The following GCSAM variants were observed in gnomAD, a reference collection of about 807,000 sequenced individuals.
GCSAM encodes germinal center-associated signaling and motility protein.
In GCSAM, 8 loss-of-function variants were observed where a neutral mutation model predicts 17.6. That is an observed-to-expected ratio of 0.46 (90% confidence interval 0.27 to 0.82). GCSAM has a LOEUF of 0.82. Among genes scored for constraint, GCSAM ranks in the 40% least tolerant of loss-of-function variants. GCSAM has a pLI of 0.15. For synonymous variants in GCSAM, 68 were observed against 69.0 expected, an observed-to-expected ratio of 0.98 and a Z score of 0.07; for missense variants, 192 against 213.5, an observed-to-expected ratio of 0.90 and a Z score of 0.63.
intron 4 of GCSAM, among the ~76,000 whole-genome samples, chr3:112,126,183 C>T (rs1488387595): frequency 1.3e-5 from 2 of 152,120 alleles, no homozygotes; most frequent in South Asian, 2.1e-4. Flanking sequence ...TTCCCTGGGA[C>T]CCACGACTCC....
chr3:112,125,813 C>T (rs1202062970), intron 4 of GCSAM, among the ~76,000 whole-genome samples: 1 of 152,160 alleles, frequency 6.6e-6, no homozygotes. Context: ...GCTAAATATT[C>T]CCATTCCTAT....
chr3:112,126,707 G>A (rs2074328113), intron 4 of GCSAM, among the ~76,000 whole-genome samples: 1 of 152,100 alleles, frequency 6.6e-6, no homozygotes. Flanking sequence ...TCTTGTAAGT[G>A]CCTTTCTCCT....
In GCSAM at chr3:112,121,443, A is replaced by C. The variant is rs2074197845; in HGVS notation, c.*2012T>G. The C allele has an allele frequency of 6.6e-6, 1 of 152,212 alleles. No homozygotes were observed. The highest frequency in any genetic ancestry group is 2.4e-5 in the African/African-American group (1 of 41,454). The allele number at this position is 152,212 out of a possible 1,614,324, so 9.4% of individuals were successfully genotyped here. On this transcript the variant is annotated 3_prime_UTR_variant, in exon 6 of 6. Coordinates refer to ENST00000308910, the MANE Select transcript of GCSAM (RefSeq NM_152785.5). ...TCTGTAATAGATGATTGCCTGCATT[A>C]GATGTAATCCTCCTGTTGATGGTGA...
intron 5 of GCSAM, 50 bp from the exon 6 acceptor site, chr3:112,123,822 C>G (rs2074250227): frequency 6.4e-7 from 1 of 1,564,088 alleles, no homozygotes; most frequent in East Asian, 2.3e-5. Context: ...TTGCCATGAC[C>G]TTTACATTTC....
intron 4 of GCSAM, among the ~76,000 whole-genome samples, 161 bp downstream of exon 4, chr3:112,126,815 AATGAGCTCACC>A (rs2074331824): frequency 6.6e-6 from 1 of 152,242 alleles, no homozygotes; most frequent in South Asian, 2.1e-4. Flanking sequence ...TTCCTGCTTC[AATGAGCTCACC>A]ATCTACTGAG....
chr3:112,132,829 T>C lies in GCSAM; in HGVS notation c.29+263A>G, dbSNP rs995508124. The stretch of plus-strand genomic sequence containing the variant: ...ATTTCTTAGGTGGTAACCTATTATA[T>C]AGACCTTCCTTGGTAAAGTCTTTCC... On this transcript the variant is annotated intron_variant, in intron 1 of 5. Coordinates refer to ENST00000308910, the MANE Select transcript of GCSAM (RefSeq NM_152785.5). The C allele has an allele frequency of 1.2e-4, 52 of 439,240 alleles. No individual in the cohort carries two copies. The highest frequency in any genetic ancestry group is 1.1e-3 in the African/African-American group (51 of 48,546). The allele number at this position is 439,240 out of a possible 1,614,324, so 27.2% of individuals were successfully genotyped here. A position where few individuals can be genotyped will look rare whatever the true frequency, so the allele number is the denominator to read the frequency against.
chr3:112,124,237 AT>A (rs1284069780), intron 5 of GCSAM, among the ~76,000 whole-genome samples: 3 of 152,178 alleles, frequency 2.0e-5, no homozygotes, highest in Non-Finnish European at 4.4e-5. Flanking sequence ...ATATTCCTTT[AT>A]AGCAACACAA....
In GCSAM at chr3:112,125,258, G is replaced by C. The variant is rs778872303; in HGVS notation, c.191-4C>G. On this transcript the variant is annotated splice_polypyrimidine_tract_variant and splice_region_variant and intron_variant, in intron 4 of 5. Transcript: ENST00000308910. ...GGAGTAGATGACATTCTTTCATCTG[G>C]AGAAAGAAAATACACTCAATGAATT... 1 of 1,569,136 alleles carries C rather than the reference G, an allele frequency of 6.4e-7. No homozygotes were observed. Among genetic ancestry groups the C allele is most frequent in the Non-Finnish European group, 8.8e-7 (1 of 1,139,206 alleles).
At chr3:112,128,376 G>A (rs1172461371) in intron 2 of GCSAM, 1 of 492,904 alleles carries the variant, frequency 2.0e-6, no homozygotes. Flanking sequence ...TTATCCCCAG[G>A]AAATCAAGGT....
chr3:112,123,341 GGTT>G lies in GCSAM; in HGVS notation c.*111_*113del. The G allele has an allele frequency of 6.6e-7, 1 of 1,513,178 alleles. No homozygotes were observed. Among genetic ancestry groups the G allele is most frequent in the African/African-American group, 1.4e-5 (1 of 72,060 alleles). The allele number at this position is 1,513,178 out of a possible 1,614,324, so 93.7% of individuals were successfully genotyped here. A position where few individuals can be genotyped will look rare whatever the true frequency, so the allele number is the denominator to read the frequency against. On this transcript the variant is annotated 3_prime_UTR_variant, in exon 6 of 6. Transcript: ENST00000308910. Reference sequence around the variant, plus strand: ...TACAAACCATGCTCTGCAGGGAAAGGGTTGTTGTGGGAGATAAGCTGGAGGGAC... The same window carrying G: ...TACAAACCATGCTCTGCAGGGAAAGGGTTGTGGGAGATAAGCTGGAGGGAC...
chr3:112,130,682 T>C (rs2074432609), intron 1 of GCSAM, 169 bp from the exon 2 acceptor site: 3 of 644,694 alleles, frequency 4.7e-6, no homozygotes, highest in Admixed American at 4.5e-5. Flanking sequence ...TGTCGCAAGC[T>C]ACCTTTGATC....
At chr3:112,129,393 GC>G (rs2030807931) in intron 2 of GCSAM, 2 of 152,318 alleles carry the variant, frequency 1.3e-5, no homozygotes, top group African/African-American at 4.8e-5. Flanking sequence ...CTGTAAGCTG[GC>G]TGTTTCTCCT....
rs9851895 is a variant in GCSAM, at chr3:112,130,770, G to C, written c.30-257C>G. The C allele has an allele frequency of 4.5e-3, 2,298 of 507,880 alleles. 44 individuals are homozygous for C. The highest frequency in any genetic ancestry group is 0.039 in the African/African-American group (2,003 of 51,716). The allele number at this position is 507,880 out of a possible 1,614,324, so 31.5% of individuals were successfully genotyped here. A position where few individuals can be genotyped will look rare whatever the true frequency, so the allele number is the denominator to read the frequency against. On this transcript the variant is annotated intron_variant, in intron 1 of 5. Transcript: ENST00000308910. ...ATGAACAAGTGATCCTAAATCATCTGATCCCAAATATCCAGGGATCCTCGT... is the reference window on the plus strand; with the variant it reads ...ATGAACAAGTGATCCTAAATCATCTCATCCCAAATATCCAGGGATCCTCGT...
chr3:112,123,737 G>A lies in GCSAM; in HGVS notation c.255C>T (p.Cys85=). The change falls in exon 6 of 6, where the codon TGC becomes TGT. Residue 85 remains cysteine, a synonymous_variant. Transcript: ENST00000308910. ...NVDQTYSEEL[C]YTLINHRVLC... is the part of the protein sequence containing the mutation. Reference sequence around the variant, plus strand: ...GAACCCGATGATTGATGAGGGTATAGCACAGCTCCTCTGAGTAGGTCTGGT... The same window carrying A: ...GAACCCGATGATTGATGAGGGTATAACACAGCTCCTCTGAGTAGGTCTGGT... 3 of 1,613,934 alleles carry A rather than the reference G, an allele frequency of 1.9e-6. No individual in the cohort carries two copies. Among genetic ancestry groups the A allele is most frequent in the Non-Finnish European group, 2.5e-6 (3 of 1,179,862 alleles).
In GCSAM at chr3:112,121,923, G is replaced by A. The variant is rs2074208023; in HGVS notation, c.*1532C>T. 6.6e-6 allele frequency: 1 copy of A among 152,164 alleles called. No homozygotes were observed. Among genetic ancestry groups the A allele is most frequent in the African/African-American group, 2.4e-5 (1 of 41,420 alleles). 9.4% of individuals were successfully genotyped at this position (152,164 alleles called of 1,614,324 possible). ...GTTCCCTGTCGCTTAGCTGGTCCAA[G>A]GGCCTGTCTAGTAAACATAATGTAC... is the stretch of plus-strand genomic sequence containing the variant. On this transcript the variant is annotated 3_prime_UTR_variant, in exon 6 of 6. Transcript: ENST00000308910.
At chr3:112,128,290 A>G in intron 2 of GCSAM, 2 of 672,848 alleles carry the variant, frequency 3.0e-6, no homozygotes, top group Non-Finnish European at 5.4e-6. Context: ...CTGTGTTCCC[A>G]GCAAAGGAAA....
chr3:112,121,603 C>T lies in GCSAM; in HGVS notation c.*1852G>A, dbSNP rs2074201152. 6.6e-6 allele frequency: 1 copy of T among 152,184 alleles called. No homozygotes were observed. The highest frequency in any genetic ancestry group is 6.5e-5 in the Admixed American group (1 of 15,278). The allele number at this position is 152,184 out of a possible 1,614,324, so 9.4% of individuals were successfully genotyped here. A position where few individuals can be genotyped will look rare whatever the true frequency, so the allele number is the denominator to read the frequency against. On this transcript the variant is annotated 3_prime_UTR_variant, in exon 6 of 6. Transcript: ENST00000308910. The stretch of plus-strand genomic sequence containing the variant: ...GCCATGTTACATCTTGTACAATATC[C>T]ACTGCTAACTGAATATTTCCTTTTG...
Position 112,123,878 on chromosome 3 carries a change from C to T in GCSAM, c.220-106G>A. 4.3e-6 allele frequency: 5 copies of T among 1,175,190 alleles called. No individual in the cohort carries two copies. The South Asian group carries it at 7.5e-5, about 18-fold the overall frequency. The allele number at this position is 1,175,190 out of a possible 1,614,324, so 72.8% of individuals were successfully genotyped here. A position where few individuals can be genotyped will look rare whatever the true frequency, so the allele number is the denominator to read the frequency against. ...CCTTGGTCAAGTCTGTCTTCTATGA[C>T]CACCTCCTCCCCATCTCTTGGCCAT... On this transcript the variant is annotated intron_variant, in intron 5 of 5. Transcript: ENST00000308910.
intron 1 of GCSAM, chr3:112,132,568 TA>T: frequency 1.4e-6 from 1 of 705,530 alleles, no homozygotes; most frequent in Non-Finnish European, 1.7e-6. Context: ...CTACTTAAAA[TA>T]AAGAGGCTGA....
Sources: allele counts gnomAD v4.1 joint callset (sites outside exome capture counted in the v4.1 genomes callset), GRCh38; gene constraint gnomAD v4.1.1; transcripts MANE v1.5; gene names NCBI Gene and HGNC (gene_info 2026-07-23, HGNC 2026-07-21).